The following RSPH14 variants were observed in gnomAD, a reference collection of about 807,000 sequenced individuals.
The protein encoded by RSPH14 is rhabdoid tumor deletion region gene 1.
Under a neutral mutation model 26.7 loss-of-function variants are expected in RSPH14, and 20 were observed. That is an observed-to-expected ratio of 0.75 (90% confidence interval 0.53 to 1.09). The LOEUF (loss-of-function observed/expected upper bound fraction) is 1.09, where lower values mean the gene tolerates loss of function less well. Ranked by LOEUF, RSPH14 falls within the 50% of genes least tolerant of loss-of-function variation. RSPH14 has a pLI of 0.00. For missense variants in RSPH14, 449 were observed against 457.2 expected (o/e 0.98, Z 0.16); for synonymous variants, 177 against 189.3 (o/e 0.93, Z 0.53).
At chr22:23,097,490 C>T (rs919132123) in intron 4 of RSPH14, among the ~76,000 whole-genome samples, 1 of 152,202 alleles carries the variant, frequency 6.6e-6, no homozygotes, top group Non-Finnish European at 1.5e-5. Flanking sequence ...GGCGGGCTTG[C>T]CTCCCTCCCC....
the RSPH14 span, among the ~76,000 whole-genome samples, chr22:23,166,015 A>G: frequency 1.3e-4 from 19 of 151,982 alleles, no homozygotes; most frequent in South Asian, 2.9e-3. Flanking sequence ...GCATGGTGGC[A>G]CGCACCTGTA....
At chr22:23,099,662 C>T (rs956651939) in intron 4 of RSPH14, among the ~76,000 whole-genome samples, 2 of 152,362 alleles carry the variant, frequency 1.3e-5, no homozygotes, top group South Asian at 2.1e-4. Context: ...GGACCCACCA[C>T]GGGCCTCCCA....
the RSPH14 span, chr22:23,156,234 T>C: frequency 1.9e-6 from 1 of 536,936 alleles, no homozygotes; most frequent in Non-Finnish European, 3.4e-6. Flanking sequence ...ATCACACCCT[T>C]TAAGGACCCT....
At chr22:23,169,134 C>G in the RSPH14 span, among the ~76,000 whole-genome samples, 1 of 152,216 alleles carries the variant, frequency 6.6e-6, no homozygotes, top group Non-Finnish European at 1.5e-5. Context: ...GGGCCCAGGT[C>G]TGGAAGGGAA....
At chr22:23,163,858 G>A in the RSPH14 span, 1 of 152,250 alleles carries the variant, frequency 6.6e-6, no homozygotes, top group East Asian at 1.9e-4. Context: ...TGGCGCCAAG[G>A]CCTCTCCCTG....
At chr22:23,100,282 G>T (rs920748769) in intron 4 of RSPH14, among the ~76,000 whole-genome samples, 1 of 152,204 alleles carries the variant, frequency 6.6e-6, no homozygotes, top group Non-Finnish European at 1.5e-5. Context: ...TCTAGAGCTG[G>T]CAGGCAGCAG....
intron 4 of RSPH14, among the ~76,000 whole-genome samples, chr22:23,087,389 G>A (rs976345491): frequency 6.6e-5 from 10 of 152,138 alleles, no homozygotes; most frequent in Admixed American, 2.0e-4. Context: ...GCTTGAGCCC[G>A]GGGGGTTGAG....
At chr22:23,160,758 G>T in the RSPH14 span, 1 of 1,362,976 alleles carries the variant, frequency 7.3e-7, no homozygotes, top group East Asian at 2.4e-5. Flanking sequence ...GTTACTGTCA[G>T]GGTGCTCTAG....
At chr22:23,140,906 A>AG (rs1236896235) in intron 1 of RSPH14, among the ~76,000 whole-genome samples, 49 of 152,336 alleles carry the variant, frequency 3.2e-4, no homozygotes, top group Non-Finnish European at 7.1e-4. Context: ...GTTCTGGCCA[A>AG]GGAGCTTACT....
rs577059931 is a variant in RSPH14, at chr22:23,082,732, C to G, written c.422-18599G>C. On this transcript the variant is annotated intron_variant, in intron 4 of 6. Transcript: ENST00000216036. Reference sequence around the variant, plus strand: ...TAGGATTCACAAGGCCCTTGGAGCCCCAGCCCACCCAAGCGGAAGAGTCCA... The same window carrying G: ...TAGGATTCACAAGGCCCTTGGAGCCGCAGCCCACCCAAGCGGAAGAGTCCA... Among the ~76,000 whole-genome samples, 5 of 152,076 alleles carry G rather than the reference C, an allele frequency of 3.3e-5. No homozygotes were observed. In the South Asian group the frequency reaches 1.0e-3, roughly 32 times the overall value.
At chr22:23,133,909 T>C in intron 4 of RSPH14, 117 bp downstream of exon 4, 1 of 706,670 alleles carries the variant, frequency 1.4e-6, no homozygotes, top group South Asian at 1.5e-5. Flanking sequence ...TTCTAATATG[T>C]ATGTTGTAAT....
intron 4 of RSPH14, among the ~76,000 whole-genome samples, chr22:23,090,404 C>G (rs1601780902): frequency 6.6e-6 from 1 of 152,144 alleles, no homozygotes; most frequent in African/African-American, 2.4e-5. Context: ...TGTTGCTCCC[C>G]TTTTATCACC....
chr22:23,150,073 C>T, the RSPH14 span: 29 of 1,609,130 alleles, frequency 1.8e-5, no homozygotes, highest in African/African-American at 2.0e-4. Flanking sequence ...TGGTACACGC[C>T]GGAAGCCTGT....
the RSPH14 span, among the ~76,000 whole-genome samples, chr22:23,164,789 T>C: frequency 6.6e-6 from 1 of 152,150 alleles, no homozygotes; most frequent in Admixed American, 6.5e-5. Context: ...CTGTCTCTTC[T>C]GCTGGAGACA....
At chr22:23,100,078 G>A (rs1479589658) in intron 4 of RSPH14, among the ~76,000 whole-genome samples, 1 of 152,250 alleles carries the variant, frequency 6.6e-6, no homozygotes, top group Non-Finnish European at 1.5e-5. Flanking sequence ...TCCCAGCCCT[G>A]TGGCGGGTCT....
chr22:23,150,567 C>T, the RSPH14 span, among the ~76,000 whole-genome samples: 4 of 152,122 alleles, frequency 2.6e-5, no homozygotes, highest in African/African-American at 9.7e-5. Context: ...TCCCAAAGTG[C>T]TGGGATTACA....
the RSPH14 span, among the ~76,000 whole-genome samples, chr22:23,157,774 C>T: frequency 2.0e-5 from 3 of 152,308 alleles, no homozygotes; most frequent in South Asian, 6.2e-4. Flanking sequence ...CCCTGGATCC[C>T]ACACTGAGGC....
intron 4 of RSPH14, among the ~76,000 whole-genome samples, chr22:23,092,887 G>A (rs187594265): frequency 6.6e-6 from 1 of 152,300 alleles, no homozygotes; most frequent in Non-Finnish European, 1.5e-5. Context: ...TGACAACAGA[G>A]GACACCTCCC....
the RSPH14 span, among the ~76,000 whole-genome samples, chr22:23,154,062 C>T: frequency 1.3e-5 from 2 of 152,062 alleles, no homozygotes; most frequent in South Asian, 4.1e-4. Context: ...TACCCCTTCC[C>T]TCTGCCTTCC....
Sources: allele counts gnomAD v4.1 joint callset (sites outside exome capture counted in the v4.1 genomes callset), GRCh38; gene constraint gnomAD v4.1.1; transcripts MANE v1.5; gene names NCBI Gene and HGNC (gene_info 2026-07-23, HGNC 2026-07-21).